TM4SF5: variants seen among roughly 807,000 people sequenced by gnomAD.
The protein encoded by TM4SF5 is transmembrane 4 L6 family member 5.
A neutral mutation model predicts 22.3 loss-of-function variants in TM4SF5; 16 were observed. The observed-to-expected ratio is 0.72, with a 90% CI of 0.49 to 1.09. The LOEUF is 1.09. TM4SF5 is among the 50% of genes least tolerant of loss of function. The pLI, the probability that TM4SF5 is intolerant of heterozygous loss-of-function variation, is 0.00. For missense variants in TM4SF5, 249 were observed against 266.1 expected (o/e 0.94, Z 0.45); for synonymous variants, 113 against 109.6 (o/e 1.03, Z -0.19).
In TM4SF5 at chr17:4,780,813, G is replaced by A. The variant is rs201854269; in HGVS notation, c.202G>A (p.Val68Ile). 167 of 1,610,536 alleles carry A rather than the reference G, an allele frequency of 1.0e-4. No individual in the cohort carries two copies. The highest frequency in any genetic ancestry group is 1.7e-4 in the South Asian group (15 of 90,200). Reference sequence around the variant, plus strand: ...GGTACTGTGTCCGGGGATTGCAGCCGTTCGGGCAGGGGGCAAGGGCTGCTG... The same window carrying A: ...GGTACTGTGTCCGGGGATTGCAGCCATTCGGGCAGGGGGCAAGGGCTGCTG... Reference protein sequence around the residue: ...LMVLCPGIAAVRAGGKGCCGA... With the variant: ...LMVLCPGIAAIRAGGKGCCGA... The change falls in exon 2 of 5, where the codon GTT becomes ATT. Residue 68 changes from valine (V) to isoleucine (I), a missense_variant. Val to Ile is a conservative substitution (Grantham distance 29). Transcript: ENST00000270560.
intron 1 of TM4SF5, among the ~76,000 whole-genome samples, chr17:4,778,670 G>C (rs1917247822): frequency 6.6e-6 from 1 of 152,044 alleles, no homozygotes; most frequent in Non-Finnish European, 1.5e-5. Flanking sequence ...CCAGAGATAG[G>C]AGACAGGCAA....
intron 1 of TM4SF5, 43 bp downstream of exon 1, chr17:4,772,142 C>T (rs1917122426): frequency 3.1e-6 from 5 of 1,609,820 alleles, no homozygotes; most frequent in Non-Finnish European, 4.2e-6. Context: ...TGGCTGGGTG[C>T]CACCTAAGGG....
chr17:4,783,014 T>G lies in TM4SF5; in HGVS notation c.556T>G (p.Cys186Gly). The change falls in exon 4 of 5, where the codon TGC becomes GGC. Residue 186 changes from cysteine (C) to glycine (G), a missense_variant. Transcript: ENST00000270560. Reference protein sequence around the residue: ...QLVNATIGVFCGDCRKKQDTP... With the variant: ...QLVNATIGVFGGDCRKKQDTP... Reference sequence around the variant, plus strand: ...GGTGAACGCGACCATTGGTGTCTTCTGCGGCGATTGCAGGAAAAAACAGGT... The same window carrying G: ...GGTGAACGCGACCATTGGTGTCTTCGGCGGCGATTGCAGGAAAAAACAGGT... 2.5e-6 allele frequency: 4 copies of G among 1,614,172 alleles called. No homozygotes were observed. Among genetic ancestry groups the G allele is most frequent in the South Asian group, 1.1e-5 (1 of 91,086 alleles).
At chr17:4,782,784 A>G in intron 3 of TM4SF5, 70 bp from the exon 4 acceptor site, 3 of 1,575,248 alleles carry the variant, frequency 1.9e-6, no homozygotes, top group South Asian at 1.2e-5. Context: ...ATCCCCTGGG[A>G]CGTATTCTTG....
chr17:4,780,692 G>C (rs867103842), intron 1 of TM4SF5, 97 bp from the exon 2 acceptor site: 1 of 898,712 alleles, frequency 1.1e-6, no homozygotes, highest in Non-Finnish European at 1.7e-6. Flanking sequence ...AGGGCTGAAG[G>C]CATCACAGGC....
chr17:4,772,866 C>T (rs556932090), intron 1 of TM4SF5, among the ~76,000 whole-genome samples: 4 of 151,908 alleles, frequency 2.6e-5, no homozygotes, highest in Middle Eastern at 3.4e-3. Flanking sequence ...AGGTGGGCAT[C>T]ACCACACCCA....
In TM4SF5 at chr17:4,771,980, G is replaced by C; in HGVS notation, c.58G>C (p.Val20Leu). Residue 20 changes from valine to leucine, a missense_variant, in exon 1 of 5, where the codon GTC (valine) becomes CTC (leucine). Val to Leu is a conservative substitution (Grantham distance 32, BLOSUM62 1). Transcript: ENST00000270560. Reference sequence around the variant, plus strand: ...GCTCTCCCTCATTACCCTCTGCCTCGTCTGCATTGTGGCCAACGCCCTCCT... The same window carrying C: ...GCTCTCCCTCATTACCCTCTGCCTCCTCTGCATTGTGGCCAACGCCCTCCT... ...VGLSLITLCL[V>L]CIVANALLLV... The C allele has an allele frequency of 6.2e-7, 1 of 1,614,120 alleles. No homozygotes were observed. The highest frequency in any genetic ancestry group is 1.3e-5 in the African/African-American group (1 of 75,028).
chr17:4,776,836 G>A (rs1917215160), intron 1 of TM4SF5, among the ~76,000 whole-genome samples: 1 of 152,154 alleles, frequency 6.6e-6, no homozygotes, highest in Admixed American at 6.6e-5. Flanking sequence ...ACACGCCACT[G>A]GAATGAAGAA....
intron 1 of TM4SF5, among the ~76,000 whole-genome samples, chr17:4,775,879 C>G (rs1917195272): frequency 6.6e-6 from 1 of 151,932 alleles, no homozygotes; most frequent in Non-Finnish European, 1.5e-5. Context: ...TGAGACGGAG[C>G]TGTTGCCCAG....
Position 4,782,847 on chromosome 17 carries a change from C to G in TM4SF5, c.396-7C>G. The G allele has an allele frequency of 6.2e-7, 1 of 1,609,676 alleles. No individual in the cohort carries two copies. The highest frequency in any genetic ancestry group is 1.1e-5 in the South Asian group (1 of 90,626). On this transcript the variant is annotated splice_polypyrimidine_tract_variant and splice_region_variant and intron_variant, in intron 3 of 4. Transcript: ENST00000270560. ...CCTTCTCCCACGTGGCCTCACCCCTCCCACAGGGGAGCTTACTTGCTCAAC... is the reference window on the plus strand; with the variant it reads ...CCTTCTCCCACGTGGCCTCACCCCTGCCACAGGGGAGCTTACTTGCTCAAC...
At chr17:4,781,817 G>T (rs1034232809) in intron 2 of TM4SF5, among the ~76,000 whole-genome samples, 3 of 151,836 alleles carry the variant, frequency 2.0e-5, no homozygotes, top group Non-Finnish European at 2.9e-5. Flanking sequence ...GCCCAGCCTC[G>T]AGTCAGGTTT....
chr17:4,780,826 G>C lies in TM4SF5; in HGVS notation c.215G>C (p.Gly72Ala). The C allele has an allele frequency of 6.2e-7, 1 of 1,610,364 alleles. No homozygotes were observed. Among genetic ancestry groups the C allele is most frequent in the African/African-American group, 1.3e-5 (1 of 74,890 alleles). The stretch of plus-strand genomic sequence containing the variant: ...GGGATTGCAGCCGTTCGGGCAGGGG[G>C]CAAGGGCTGCTGTGGTGCTGGGTGC... ...CPGIAAVRAGGKGCCGAGCCG... is the reference protein window; with the variant it reads ...CPGIAAVRAGAKGCCGAGCCG... The change falls in exon 2 of 5, where the codon GGC (glycine) becomes GCC (alanine). Residue 72 changes from glycine (G) to alanine (A), a missense_variant. By Grantham distance (60) the Gly-to-Ala change is moderately conservative. Coordinates refer to ENST00000270560, the MANE Select transcript of TM4SF5 (RefSeq NM_003963.3).
chr17:4,777,856 C>T (rs1366674367), intron 1 of TM4SF5, among the ~76,000 whole-genome samples: 1 of 152,034 alleles, frequency 6.6e-6, no homozygotes, highest in Non-Finnish European at 1.5e-5. Context: ...TGCACTCCAG[C>T]CTGGGCAACA....
In TM4SF5 at chr17:4,783,086, C is replaced by T. The variant is rs781733295; in HGVS notation, c.580-28C>T. ...GTAGAGGGAACCTGCCTGGTCCTGGCTGCGTTCTCACCTTCTCTTTTCCGC... is the reference window on the plus strand; with the variant it reads ...GTAGAGGGAACCTGCCTGGTCCTGGTTGCGTTCTCACCTTCTCTTTTCCGC... On this transcript the variant is annotated intron_variant, in intron 4 of 4. Coordinates refer to ENST00000270560, the MANE Select transcript of TM4SF5 (RefSeq NM_003963.3). The T allele has an allele frequency of 1.5e-5, 25 of 1,614,092 alleles. 1 individual carries two copies. The Admixed American group carries it at 3.7e-4, about 24-fold the overall frequency.
chr17:4,781,141 A>G (rs555859743), intron 2 of TM4SF5, among the ~76,000 whole-genome samples: 56 of 43,330 alleles, frequency 1.3e-3, no homozygotes, highest in African/African-American at 3.9e-3. Flanking sequence ...GATTTAAAAA[A>G]AAAAAAAAAA....
At chr17:4,781,916 C>G (rs1279709398) in intron 2 of TM4SF5, among the ~76,000 whole-genome samples, 1 of 151,804 alleles carries the variant, frequency 6.6e-6, no homozygotes, top group Non-Finnish European at 1.5e-5. Context: ...TGTAGTTCCC[C>G]CCTCTCCCCT....
chr17:4,783,071 C>A lies in TM4SF5; in HGVS notation c.579+34C>A, dbSNP rs201782830. ...TCTTGCGGTGGAGTTGTAGAGGGAACCTGCCTGGTCCTGGCTGCGTTCTCA... is the reference window on the plus strand; with the variant it reads ...TCTTGCGGTGGAGTTGTAGAGGGAAACTGCCTGGTCCTGGCTGCGTTCTCA... On this transcript the variant is annotated intron_variant, in intron 4 of 4. Transcript: ENST00000270560. The A allele has an allele frequency of 2.1e-5, 34 of 1,614,146 alleles. No homozygotes were observed. The East Asian group carries it at 3.8e-4, about 18-fold the overall frequency.
chr17:4,776,161 C>T (rs936159867), intron 1 of TM4SF5, among the ~76,000 whole-genome samples: 4 of 152,016 alleles, frequency 2.6e-5, no homozygotes, highest in Admixed American at 1.3e-4. Context: ...TGTCTGGCTT[C>T]TTTAGCTCCA....
In TM4SF5 at chr17:4,782,500, C is replaced by T. The variant is rs1917330295; in HGVS notation, c.259-3C>T. 1.2e-6 allele frequency: 2 copies of T among 1,613,868 alleles called. No homozygotes were observed. The highest frequency in any genetic ancestry group is 1.3e-5 in the African/African-American group (1 of 74,968). On this transcript the variant is annotated splice_region_variant and splice_polypyrimidine_tract_variant and intron_variant, in intron 2 of 4. Transcript: ENST00000270560. ...CTTACCTCCCCTTCCACACCACATC[C>T]AGATGCTGCGCTCGGTCTTCTCCTC...
Sources: allele counts gnomAD v4.1 joint callset (sites outside exome capture counted in the v4.1 genomes callset), GRCh38; gene constraint gnomAD v4.1.1; transcripts MANE v1.5; gene names NCBI Gene and HGNC (gene_info 2026-07-23, HGNC 2026-07-21).